RREB1: variants seen among roughly 807,000 people sequenced by gnomAD.
The protein encoded by RREB1 is ras responsive element binding protein 1.
Under a neutral mutation model 117.8 loss-of-function variants are expected in RREB1, and 27 were observed. The ratio of observed to expected loss-of-function variants is 0.23; its 90% CI spans 0.17 to 0.32. RREB1 has a LOEUF of 0.32. RREB1 is among the 10% of genes least tolerant of loss of function. The pLI is 1.00. For missense variants in RREB1, 2,577 were observed against 2,378.2 expected (o/e 1.08, Z -1.74); for synonymous variants, 1,298 against 1,026.7 (o/e 1.26, Z -5.05).
intron 1 of RREB1, among the ~76,000 whole-genome samples, chr6:7,120,645 T>C (rs1761635527): frequency 6.6e-6 from 1 of 151,016 alleles, no homozygotes; most frequent in South Asian, 2.1e-4. Context: ...GTCTGAGCTT[T>C]TGAATGATTT....
At chr6:7,223,561 CAAA>C (rs368033890) in intron 8 of RREB1, among the ~76,000 whole-genome samples, 32 of 95,754 alleles carry the variant, frequency 3.3e-4, no homozygotes, top group African/African-American at 1.4e-3. Flanking sequence ...ACTCTTGTCT[CAAA>C]AAAAAAAAAA....
intron 1 of RREB1, among the ~76,000 whole-genome samples, chr6:7,144,559 C>A (rs1762773339): frequency 6.6e-6 from 1 of 150,768 alleles, no homozygotes. Flanking sequence ...CATTCTTTGG[C>A]CCTGTGTAAT....
At chr6:7,133,355 G>C (rs1762230671) in intron 1 of RREB1, among the ~76,000 whole-genome samples, 1 of 152,134 alleles carries the variant, frequency 6.6e-6, no homozygotes, top group South Asian at 2.1e-4. Context: ...GTTAGTAGCA[G>C]ATTGTATCAA....
At chr6:7,236,430 C>T (rs76823979) in intron 10 of RREB1, among the ~76,000 whole-genome samples, 16,978 of 152,236 alleles carry the variant, frequency 0.11, 1,358 homozygotes, top group Non-Finnish European at 0.17. Context: ...GTGAGTCATC[C>T]AAACCTGGGT....
chr6:7,156,358 C>T (rs915231292), intron 1 of RREB1, among the ~76,000 whole-genome samples: 1 of 152,140 alleles, frequency 6.6e-6, no homozygotes, highest in African/African-American at 2.4e-5. Context: ...AAGAACTGAC[C>T]TAAAAAAGAG....
At chr6:7,240,778 A>G (rs1768658644) in intron 11 of RREB1, among the ~76,000 whole-genome samples, 176 bp downstream of exon 11, 1 of 152,206 alleles carries the variant, frequency 6.6e-6, no homozygotes, top group African/African-American at 2.4e-5. Context: ...GGGAGGGAGT[A>G]TAACTCCTGG....
chr6:7,222,664 T>C (rs1291142798), intron 8 of RREB1, among the ~76,000 whole-genome samples: 1 of 151,972 alleles, frequency 6.6e-6, no homozygotes, highest in African/African-American at 2.4e-5. Flanking sequence ...GAAACCTCAA[T>C]GTTATTAAAA....
At chr6:7,199,657 TTTTTG>T (rs1232891764) in intron 6 of RREB1, among the ~76,000 whole-genome samples, 4 of 151,850 alleles carry the variant, frequency 2.6e-5, no homozygotes, top group South Asian at 2.1e-4. Flanking sequence ...GTGTGTGATT[TTTTTG>T]TTTTGTTTTG....
intron 11 of RREB1, among the ~76,000 whole-genome samples, chr6:7,242,836 C>T (rs992474313): frequency 6.6e-6 from 1 of 152,024 alleles, no homozygotes; most frequent in African/African-American, 2.4e-5. Flanking sequence ...ATAAAGTCCC[C>T]CAAAAGAATG....
At chr6:7,111,069 A>C (rs1319205551) in intron 1 of RREB1, among the ~76,000 whole-genome samples, 3 of 152,232 alleles carry the variant, frequency 2.0e-5, no homozygotes, top group African/African-American at 7.2e-5. Context: ...CAGACTCCCA[A>C]GGCCTTATTT....
chr6:7,240,652 T>G, intron 11 of RREB1, 50 bp downstream of exon 11: 1 of 1,554,820 alleles, frequency 6.4e-7, no homozygotes, highest in Non-Finnish European at 8.8e-7. Flanking sequence ...AGAGAGGAGT[T>G]CGGTTAAGAA....
chr6:7,175,505 C>T (rs952281829), intron 1 of RREB1, among the ~76,000 whole-genome samples: 1 of 152,090 alleles, frequency 6.6e-6, no homozygotes, highest in African/African-American at 2.4e-5. Flanking sequence ...TGTAGATGCT[C>T]CAGAAGGGGA....
At chr6:7,226,685 A>G in intron 9 of RREB1, 29 bp downstream of exon 9, 2 of 1,562,372 alleles carry the variant, frequency 1.3e-6, no homozygotes, top group African/African-American at 1.4e-5. Flanking sequence ...GGAAGCAACC[A>G]GCAACTGCCT....
At chr6:7,185,961 C>T (rs1765059582) in intron 4 of RREB1, among the ~76,000 whole-genome samples, 1 of 152,174 alleles carries the variant, frequency 6.6e-6, no homozygotes, top group Non-Finnish European at 1.5e-5. Context: ...CATAATAATG[C>T]TTGTCTATTA....
rs529632210 is a variant in RREB1 at position 7,114,719 on chromosome 6, C to T, written c.-285+6659C>T. Among the ~76,000 whole-genome samples the T allele has an allele frequency of 1.4e-4, 21 of 152,244 alleles. No individual in the cohort carries two copies. In the South Asian group the frequency reaches 3.9e-3, roughly 29 times the overall value. On this transcript the variant is annotated intron_variant, in intron 1 of 12. Coordinates refer to ENST00000379938, the MANE Select transcript of RREB1 (RefSeq NM_001003699.4). The stretch of plus-strand genomic sequence containing the variant: ...ATAAAGCAAGTAAGCTCTTATTTGC[C>T]TCTGAGGTACCATGGTTGGCAAGTT...
chr6:7,120,598 C>T (rs947501205), intron 1 of RREB1, among the ~76,000 whole-genome samples: 4 of 151,912 alleles, frequency 2.6e-5, no homozygotes, highest in Admixed American at 2.0e-4. Context: ...TTTAATTTCC[C>T]GATGCTAAAA....
At chr6:7,140,591 A>G (rs899752541) in intron 1 of RREB1, 1 of 152,254 alleles carries the variant, frequency 6.6e-6, no homozygotes, top group African/African-American at 2.4e-5. Flanking sequence ...AAAGGACACG[A>G]ACATTTGAGA....
chr6:7,108,856 C>T (rs1169430058), intron 1 of RREB1, among the ~76,000 whole-genome samples: 1 of 151,638 alleles, frequency 6.6e-6, no homozygotes, highest in East Asian at 2.0e-4. Flanking sequence ...CGCGCCCTCG[C>T]GGGTTCCCGG....
At chr6:7,146,273 C>T (rs969638915) in intron 1 of RREB1, among the ~76,000 whole-genome samples, 1 of 152,118 alleles carries the variant, frequency 6.6e-6, no homozygotes, top group Non-Finnish European at 1.5e-5. Context: ...TTACCATGCC[C>T]TCTGTCATGT....
Sources: allele counts gnomAD v4.1 joint callset (sites outside exome capture counted in the v4.1 genomes callset), GRCh38; gene constraint gnomAD v4.1.1; transcripts MANE v1.5; gene names NCBI Gene and HGNC (gene_info 2026-07-23, HGNC 2026-07-21).